LRRC4C: variants seen among roughly 807,000 people sequenced by gnomAD.
LRRC4C encodes leucine-rich repeat-containing protein 4C.
LRRC4C carries 5 observed loss-of-function variants against 33.6 expected under a neutral mutation model. That is an observed-to-expected ratio of 0.15 (90% CI 0.08 to 0.31). The LOEUF (loss-of-function observed/expected upper bound fraction) is 0.31, where lower values mean the gene tolerates loss of function less well. LRRC4C is among the 10% of genes least tolerant of loss of function. LRRC4C has a pLI of 1.00. For missense variants in LRRC4C, 560 were observed against 796.7 expected (o/e 0.70, Z 3.58); for synonymous variants, 329 against 302.0 (o/e 1.09, Z -0.93).
intron 2 of LRRC4C, among the ~76,000 whole-genome samples, chr11:40,792,506 T>A (rs1950667617): frequency 6.6e-6 from 1 of 152,166 alleles, no homozygotes; most frequent in Non-Finnish European, 1.5e-5. Context: ...GGAGAGGATG[T>A]GGAGAGATAG....
At chr11:40,212,492 G>T (rs1044923270) in intron 5 of LRRC4C, among the ~76,000 whole-genome samples, 1 of 150,820 alleles carries the variant, frequency 6.6e-6, no homozygotes, top group African/African-American at 2.4e-5. Context: ...AAAACTATAG[G>T]AATATTAACA....
chr11:40,381,450 G>A (rs996937710), intron 3 of LRRC4C, among the ~76,000 whole-genome samples: 2 of 152,092 alleles, frequency 1.3e-5, no homozygotes, highest in Admixed American at 1.3e-4. Flanking sequence ...GTTAAAATCT[G>A]CCGTCAACCT....
At chr11:40,361,682 A>T (rs1029581059) in intron 3 of LRRC4C, among the ~76,000 whole-genome samples, 1 of 152,228 alleles carries the variant, frequency 6.6e-6, no homozygotes, top group African/African-American at 2.4e-5. Flanking sequence ...TGCCCAAGGC[A>T]ATTTATAGCA....
intron 5 of LRRC4C, among the ~76,000 whole-genome samples, chr11:40,228,114 T>A (rs1275959568): frequency 6.6e-6 from 1 of 152,244 alleles, no homozygotes; most frequent in Non-Finnish European, 1.5e-5. Flanking sequence ...TGTTACCTCC[T>A]ATCTATCTCA....
chr11:41,295,806 G>A (rs755133325), intron 1 of LRRC4C, among the ~76,000 whole-genome samples: 2 of 152,146 alleles, frequency 1.3e-5, no homozygotes, highest in African/African-American at 2.4e-5. Flanking sequence ...GGTTCTGTGA[G>A]GGAAGGGCTT....
At chr11:40,885,670 T>A (rs761562752) in intron 2 of LRRC4C, among the ~76,000 whole-genome samples, 5 of 152,018 alleles carry the variant, frequency 3.3e-5, no homozygotes, top group Non-Finnish European at 5.9e-5. Context: ...AATAAAAATA[T>A]CAAAAATGCT....
chr11:41,362,379 G>C (rs754093922), intron 1 of LRRC4C, among the ~76,000 whole-genome samples: 2 of 152,060 alleles, frequency 1.3e-5, no homozygotes, highest in Non-Finnish European at 2.9e-5. Flanking sequence ...AAGGTAAAAA[G>C]GGCAAAAGAC....
intron 2 of LRRC4C, among the ~76,000 whole-genome samples, chr11:40,757,034 T>C (rs781781339): frequency 2.0e-5 from 3 of 152,068 alleles, no homozygotes; most frequent in Non-Finnish European, 2.9e-5. Context: ...ATACTCTTTC[T>C]TTTTGTCACT....
chr11:40,547,877 GCAAA>G (rs1364770897), intron 3 of LRRC4C, among the ~76,000 whole-genome samples: 5 of 152,056 alleles, frequency 3.3e-5, no homozygotes, highest in African/African-American at 1.2e-4. Context: ...ATAACATTCA[GCAAA>G]CATTTATTGA....
intron 1 of LRRC4C, among the ~76,000 whole-genome samples, chr11:41,131,859 A>T (rs1369391168): frequency 6.6e-6 from 1 of 152,138 alleles, no homozygotes; most frequent in East Asian, 1.9e-4. Flanking sequence ...CATCACCATG[A>T]CATCTTACAA....
intron 2 of LRRC4C, among the ~76,000 whole-genome samples, chr11:40,744,478 TA>T (rs1444567525): frequency 1.3e-5 from 2 of 152,200 alleles, no homozygotes; most frequent in Non-Finnish European, 2.9e-5. Context: ...TACTTCATTG[TA>T]ATTGTAGTGG....
At chr11:41,404,501 C>T (rs143732461) in intron 1 of LRRC4C, among the ~76,000 whole-genome samples, 1 of 121,632 alleles carries the variant, frequency 8.2e-6, no homozygotes, top group African/African-American at 3.1e-5. Context: ...TGTGTGTATA[C>T]ACACAGACAC....
intron 3 of LRRC4C, among the ~76,000 whole-genome samples, chr11:40,634,113 A>G (rs1243635199): frequency 2.0e-5 from 3 of 152,212 alleles, no homozygotes; most frequent in Admixed American, 1.3e-4. Context: ...TTAAGGACCA[A>G]TGGAAGTATT....
At chr11:40,251,903 G>A (rs757050367) in intron 4 of LRRC4C, among the ~76,000 whole-genome samples, 13 of 152,132 alleles carry the variant, frequency 8.5e-5, no homozygotes, top group Non-Finnish European at 1.8e-4. Flanking sequence ...TGCCTTCTGT[G>A]GAGTTCAGTG....
chr11:40,831,155 A>T (rs1056502351), intron 2 of LRRC4C, among the ~76,000 whole-genome samples: 1 of 152,138 alleles, frequency 6.6e-6, no homozygotes, highest in Non-Finnish European at 1.5e-5. Context: ...TTTCACAGAG[A>T]TTCTTCACTG....
intron 1 of LRRC4C, among the ~76,000 whole-genome samples, chr11:40,989,658 T>G (rs36117708): frequency 5.9e-5 from 9 of 152,170 alleles, no homozygotes; most frequent in Non-Finnish European, 7.3e-5. Context: ...GTTGTATTTA[T>G]CTGGGTTGAT....
At chr11:40,358,585 A>C (rs1230951482) in intron 3 of LRRC4C, among the ~76,000 whole-genome samples, 2 of 152,000 alleles carry the variant, frequency 1.3e-5, no homozygotes, top group East Asian at 3.9e-4. Flanking sequence ...CTGGTCCCCA[A>C]TCTCTTAATA....
At chr11:40,787,795 T>C (rs1950475710) in intron 2 of LRRC4C, among the ~76,000 whole-genome samples, 1 of 152,218 alleles carries the variant, frequency 6.6e-6, no homozygotes, top group South Asian at 2.1e-4. Flanking sequence ...AGTCTAACCA[T>C]GCTTTTTCCA....
intron 3 of LRRC4C, among the ~76,000 whole-genome samples, chr11:40,382,684 A>ATATTT (rs1491238163): frequency 1.5e-5 from 1 of 65,546 alleles, no homozygotes; most frequent in African/African-American, 6.4e-5. Context: ...ACTTGTACTC[A>ATATTT]TTTTTTTTTT....
Sources: allele counts gnomAD v4.1 joint callset (sites outside exome capture counted in the v4.1 genomes callset), GRCh38; gene constraint gnomAD v4.1.1; transcripts MANE v1.5; gene names NCBI Gene and HGNC (gene_info 2026-07-23, HGNC 2026-07-21).